Variants in TBC1D1 observed in about 807,000 individuals in gnomAD.
The protein encoded by TBC1D1 is TBC1 (tre-2/USP6, BUB2, cdc16) domain family, member 1.
Under a neutral mutation model 125.6 loss-of-function variants are expected in TBC1D1, and 89 were observed. The observed-to-expected ratio is 0.71, with a 90% CI of 0.60 to 0.85. The LOEUF (loss-of-function observed/expected upper bound fraction) is 0.85, where lower values mean the gene tolerates loss of function less well. TBC1D1 is among the 40% of genes least tolerant of loss of function. The pLI is 0.00. For synonymous variants in TBC1D1, 565 were observed against 564.1 expected (o/e 1.00, Z -0.02); for missense variants, 1,377 against 1,469.2 (o/e 0.94, Z 1.03).
intron 12 of TBC1D1, among the ~76,000 whole-genome samples, chr4:38,087,013 C>CT (rs1232066368): frequency 1.3e-5 from 2 of 152,188 alleles, no homozygotes; most frequent in African/African-American, 4.8e-5. Context: ...TAAAACCTCA[C>CT]TGCACCTTAT....
chr4:37,928,754 T>C (rs1316221015), intron 2 of TBC1D1, among the ~76,000 whole-genome samples: 1 of 152,232 alleles, frequency 6.6e-6, no homozygotes, highest in Non-Finnish European at 1.5e-5. Flanking sequence ...TTAGTTAAAA[T>C]ATAAGAAATC....
chr4:38,107,348 T>C (rs533635348), intron 15 of TBC1D1, among the ~76,000 whole-genome samples: 6 of 152,212 alleles, frequency 3.9e-5, no homozygotes, highest in Non-Finnish European at 8.8e-5. Flanking sequence ...CCAAGTCAGT[T>C]GTTTAGTCTA....
intron 2 of TBC1D1, among the ~76,000 whole-genome samples, chr4:37,984,536 A>T (rs991587064): frequency 6.6e-6 from 1 of 152,050 alleles, no homozygotes; most frequent in Non-Finnish European, 1.5e-5. Context: ...CTTTTGATTG[A>T]CTTTTAAGGA....
At position 38,014,099 on chromosome 4, in the gene TBC1D1, C is replaced by G. The variant is rs1742090995; in HGVS notation, c.418-410C>G. On this transcript the variant is annotated intron_variant, in intron 2 of 19. Transcript: ENST00000261439. This position sits in a 1 kb window ranked among gnomAD's most constrained non-coding sequence, Gnocchi z 5.1. ...CATGTTTTGTGAACCACGTTGGAGA[C>G]AGACTTCTCTGGGAGGCGACAGCTT... Among the ~76,000 whole-genome samples, 1 of 152,194 alleles carries G rather than the reference C, an allele frequency of 6.6e-6. No individual in the cohort carries two copies. Among genetic ancestry groups the G allele is most frequent in the Admixed American group, 6.5e-5 (1 of 15,284 alleles).
At chr4:37,900,556 A>T (rs1715736469) in intron 1 of TBC1D1, among the ~76,000 whole-genome samples, 1 of 152,162 alleles carries the variant, frequency 6.6e-6, no homozygotes, top group Non-Finnish European at 1.5e-5. Context: ...TGAATCAGAC[A>T]GATGCAACGC....
chr4:38,010,931 A>G (rs915571341), intron 2 of TBC1D1, among the ~76,000 whole-genome samples: 1 of 152,244 alleles, frequency 6.6e-6, no homozygotes, highest in Non-Finnish European at 1.5e-5. Context: ...AGAAAAATGT[A>G]TAGAAATAAA....
intron 6 of TBC1D1, among the ~76,000 whole-genome samples, chr4:38,023,183 G>A: frequency 6.6e-6 from 1 of 151,254 alleles, no homozygotes; most frequent in East Asian, 1.9e-4. Context: ...GGAGATGGAG[G>A]TTGCAGTGAG....
intron 2 of TBC1D1, among the ~76,000 whole-genome samples, chr4:37,997,677 G>A (rs1364909653): frequency 4.0e-5 from 6 of 151,780 alleles, no homozygotes; most frequent in East Asian, 1.9e-4. Context: ...ACCACCACAC[G>A]TAGTCCCTTC....
intron 6 of TBC1D1, among the ~76,000 whole-genome samples, chr4:38,022,184 T>C (rs1287702094): frequency 6.6e-6 from 1 of 152,024 alleles, no homozygotes; most frequent in Non-Finnish European, 1.5e-5. Flanking sequence ...GAGGAGCAAA[T>C]GGGAAGAAAT....
intron 12 of TBC1D1, among the ~76,000 whole-genome samples, chr4:38,066,575 C>T (rs1486122219): frequency 6.6e-6 from 1 of 152,126 alleles, no homozygotes; most frequent in Admixed American, 6.6e-5. Flanking sequence ...TAAAGCAATC[C>T]TCTTGCTTCA....
chr4:37,897,367 A>T (rs1297815998), intron 1 of TBC1D1, among the ~76,000 whole-genome samples: 1 of 152,190 alleles, frequency 6.6e-6, no homozygotes, highest in Non-Finnish European at 1.5e-5. Context: ...AGTTACCCTG[A>T]ATCTTATATT....
intron 2 of TBC1D1, among the ~76,000 whole-genome samples, chr4:37,942,742 A>T (rs1446007658): frequency 2.6e-5 from 4 of 152,032 alleles, no homozygotes; most frequent in Non-Finnish European, 5.9e-5. Flanking sequence ...GGGTTTCACC[A>T]TGTTAGCCAG....
chr4:37,899,895 C>A (rs530067882), intron 1 of TBC1D1, among the ~76,000 whole-genome samples: 1 of 150,890 alleles, frequency 6.6e-6, no homozygotes, highest in African/African-American at 2.4e-5. Flanking sequence ...CCGAGGCGGG[C>A]GGAACACGAG....
chr4:37,977,049 G>A lies in TBC1D1; in HGVS notation c.418-37460G>A, dbSNP rs1022051646. On this transcript the variant is annotated intron_variant, in intron 2 of 19. Coordinates refer to ENST00000261439, the MANE Select transcript of TBC1D1 (RefSeq NM_015173.4). This position sits in a 1 kb window ranked among gnomAD's most constrained non-coding sequence, Gnocchi z 4.3. ...TCTGGGGCTTTTGTGGAACCTCGGAGAGGGAGGAATTCTTAGATTTCTGAA... is the reference window on the plus strand; with the variant it reads ...TCTGGGGCTTTTGTGGAACCTCGGAAAGGGAGGAATTCTTAGATTTCTGAA... Among the ~76,000 whole-genome samples, 6 of 152,234 alleles carry A rather than the reference G, an allele frequency of 3.9e-5. No individual in the cohort carries two copies. Among genetic ancestry groups the A allele is most frequent in the African/African-American group, 1.4e-4 (6 of 41,470 alleles).
chr4:38,121,694 T>TTTTTGTTTTG (rs540636962), intron 17 of TBC1D1, among the ~76,000 whole-genome samples: 4 of 152,168 alleles, frequency 2.6e-5, no homozygotes, highest in Non-Finnish European at 2.9e-5. Flanking sequence ...AGTTATTGTT[T>TTTTTGTTTTG]TTTTGTTTTG....
intron 2 of TBC1D1, among the ~76,000 whole-genome samples, chr4:37,959,178 A>C (rs1211857432): frequency 6.6e-6 from 1 of 152,234 alleles, no homozygotes; most frequent in Non-Finnish European, 1.5e-5. Context: ...TAGGGGCGCC[A>C]ATCACCTGCA....
At chr4:38,025,670 A>G (rs920425620) in intron 6 of TBC1D1, among the ~76,000 whole-genome samples, 1 of 152,250 alleles carries the variant, frequency 6.6e-6, no homozygotes, top group Admixed American at 6.5e-5. Context: ...TTTCCAAAAT[A>G]TGATACTTCG....
chr4:37,966,193 G>T (rs1731021185), intron 2 of TBC1D1, among the ~76,000 whole-genome samples: 1 of 152,208 alleles, frequency 6.6e-6, no homozygotes, highest in East Asian at 1.9e-4. Flanking sequence ...TCACATAGCT[G>T]GTTGCCAGCA....
At position 38,133,157 on chromosome 4, in the gene TBC1D1, T is replaced by C. The variant is rs928759208; in HGVS notation, c.3206T>C (p.Ile1069Thr). ...TACCACGTCCTTCAAGAAGAACTTATCGATTCCTCTCCTCTCAGTGACAAC... is the reference window on the plus strand; with the variant it reads ...TACCACGTCCTTCAAGAAGAACTTACCGATTCCTCTCCTCTCAGTGACAAC... Residue 1069 changes from isoleucine to threonine, a missense_variant, in exon 19 of 20, where the codon ATC becomes ACC. Transcript: ENST00000261439. 2.5e-6 allele frequency: 4 copies of C among 1,614,108 alleles called. No homozygotes were observed. Among genetic ancestry groups the C allele is most frequent in the African/African-American group, 2.7e-5 (2 of 74,942 alleles).
Sources: allele counts gnomAD v4.1 joint callset (sites outside exome capture counted in the v4.1 genomes callset), GRCh38; gene constraint gnomAD v4.1.1; non-coding constraint Gnocchi (gnomAD v3.1); transcripts MANE v1.5; gene names NCBI Gene and HGNC (gene_info 2026-07-23, HGNC 2026-07-21).